ASXL3: variants seen among roughly 807,000 people sequenced by gnomAD.
ASXL3 encodes the protein putative Polycomb group protein ASXL3.
In ASXL3, 34 loss-of-function variants were observed where a neutral mutation model predicts 170.6. That is an observed-to-expected ratio of 0.20 (90% CI 0.15 to 0.27). The LOEUF (loss-of-function observed/expected upper bound fraction) is 0.27, where lower values mean the gene tolerates loss of function less well. Ranked by LOEUF, ASXL3 falls within the 10% of genes least tolerant of loss-of-function variation. ASXL3 has a pLI of 1.00. For synonymous variants in ASXL3, 1,002 were observed against 989.1 expected (o/e 1.01, Z -0.24); for missense variants, 2,592 against 2,695.3 (o/e 0.96, Z 0.85).
At chr18:33,669,276 A>G (rs768885589) in intron 5 of ASXL3, among the ~76,000 whole-genome samples, 1 of 152,192 alleles carries the variant, frequency 6.6e-6, no homozygotes, top group African/African-American at 2.4e-5. Context: ...TATATTAATA[A>G]CAGCAGGCTA....
At chr18:33,634,650 G>C (rs1203599992) in intron 2 of ASXL3, among the ~76,000 whole-genome samples, 1 of 152,028 alleles carries the variant, frequency 6.6e-6, no homozygotes, top group Non-Finnish European at 1.5e-5. Context: ...CTTGCCAAAT[G>C]CCTTTCCAAA....
chr18:33,589,526 A>C (rs2145095979), intron 1 of ASXL3, among the ~76,000 whole-genome samples: 1 of 152,330 alleles, frequency 6.6e-6, no homozygotes, highest in Non-Finnish European at 1.5e-5. Context: ...GGGCACAGTA[A>C]AAGAAAAGAA....
intron 5 of ASXL3, among the ~76,000 whole-genome samples, chr18:33,663,092 T>C (rs2066202827): frequency 6.6e-6 from 1 of 152,198 alleles, no homozygotes; most frequent in South Asian, 2.1e-4. Context: ...TTGAAATGTT[T>C]TAGATGCCAG....
chr18:33,585,448 A>G (rs775808279), intron 1 of ASXL3, among the ~76,000 whole-genome samples: 1 of 152,156 alleles, frequency 6.6e-6, no homozygotes, highest in Non-Finnish European at 1.5e-5. Flanking sequence ...AGCAATTAAC[A>G]GCTTTATCAG....
intron 2 of ASXL3, among the ~76,000 whole-genome samples, chr18:33,621,982 T>G (rs539028692): frequency 6.6e-6 from 1 of 152,292 alleles, no homozygotes; most frequent in Admixed American, 6.5e-5. Context: ...ATTAAATATT[T>G]AAATATAATC....
intron 8 of ASXL3, chr18:33,683,775 G>A (rs1045159854): frequency 1.8e-5 from 8 of 438,982 alleles, no homozygotes; most frequent in Non-Finnish European, 2.7e-5. Flanking sequence ...TTTAAAATAC[G>A]GTACATTGTG....
chr18:33,617,044 A>G (rs185992514), intron 2 of ASXL3, among the ~76,000 whole-genome samples: 1 of 152,264 alleles, frequency 6.6e-6, no homozygotes, highest in African/African-American at 2.4e-5. Flanking sequence ...ATAACATAAG[A>G]ATATTTCTAG....
chr18:33,688,139 T>TA, intron 8 of ASXL3, among the ~76,000 whole-genome samples: 1 of 152,288 alleles, frequency 6.6e-6, no homozygotes, highest in Middle Eastern at 3.4e-3. Context: ...GAGCATTTCT[T>TA]AAACAATGAC....
intron 6 of ASXL3, 72 bp downstream of exon 6, chr18:33,670,862 A>C: frequency 9.7e-7 from 1 of 1,034,948 alleles, no homozygotes; most frequent in Non-Finnish European, 1.4e-6. Flanking sequence ...AAGAGATGTC[A>C]TGATTTTTTT....
intron 4 of ASXL3, among the ~76,000 whole-genome samples, chr18:33,659,404 T>A (rs528027898): frequency 1.3e-5 from 2 of 152,224 alleles, no homozygotes; most frequent in South Asian, 4.1e-4. Context: ...AGTTTCCAAT[T>A]TTCTAGATGT....
chr18:33,641,548 A>G (rs1307461505), intron 2 of ASXL3, among the ~76,000 whole-genome samples: 3 of 152,084 alleles, frequency 2.0e-5, no homozygotes, highest in Admixed American at 1.3e-4. Context: ...ATAGAAATAC[A>G]TGGGCTTTCT....
rs1300178151 is a variant in ASXL3, at chr18:33,749,118, C to G, written c.*2523C>G. ...TGCTCCAGTTCAAATTCCTAGTGTT[C>G]TCATATGGTTTATATTACTGAAAAA... On this transcript the variant is annotated 3_prime_UTR_variant, in exon 12 of 12. Transcript: ENST00000269197. The G allele has an allele frequency of 7.5e-6, 1 of 133,338 alleles. No homozygotes were observed. Among genetic ancestry groups the G allele is most frequent in the African/African-American group, 2.8e-5 (1 of 35,334 alleles). 8.3% of individuals were successfully genotyped at this position (133,338 alleles called of 1,614,324 possible).
In ASXL3 at chr18:33,632,555, C is replaced by A. The variant is rs553394618; in HGVS notation, c.138-12339C>A. Among the ~76,000 whole-genome samples the A allele has an allele frequency of 7.9e-5, 12 of 152,302 alleles. No individual in the cohort carries two copies. In the South Asian group the frequency reaches 2.3e-3, roughly 29 times the overall value. On this transcript the variant is annotated intron_variant, in intron 2 of 11. Coordinates refer to ENST00000269197, the MANE Select transcript of ASXL3 (RefSeq NM_030632.3). ...TGTATTGTCCATCTTAATTATACCA[C>A]CATTCTTCTCTAGTTCCCAGTCCTA... is the stretch of plus-strand genomic sequence containing the variant.
rs958071901 is a variant in ASXL3, at chr18:33,744,950, G to C, written c.5102G>C (p.Ser1701Thr). The C allele has an allele frequency of 2.5e-6, 4 of 1,614,016 alleles. No individual in the cohort carries two copies. Among genetic ancestry groups the C allele is most frequent in the Admixed American group, 1.7e-5 (1 of 60,022 alleles). Reference protein sequence around the residue: ...LPPPAAEGASSVQQTQNMKAS... With the variant: ...LPPPAAEGASTVQQTQNMKAS... ...CCTCCGGCTGCAGAGGGAGCCTCTA[G>C]TGTACAACAAACACAGAACATGAAA... is the stretch of plus-strand genomic sequence containing the variant. The change falls in exon 12 of 12, where the codon AGT becomes ACT. Residue 1701 changes from serine (S) to threonine (T), a missense_variant. Transcript: ENST00000269197.
At chr18:33,665,526 A>T (rs747567875) in intron 5 of ASXL3, among the ~76,000 whole-genome samples, 1 of 152,138 alleles carries the variant, frequency 6.6e-6, no homozygotes, top group Non-Finnish European at 1.5e-5. Context: ...ATATTTTCAG[A>T]TTTTCAGTGG....
intron 1 of ASXL3, among the ~76,000 whole-genome samples, chr18:33,582,675 A>G (rs1189955782): frequency 6.6e-6 from 1 of 151,734 alleles, no homozygotes; most frequent in African/African-American, 2.4e-5. Flanking sequence ...GCACACAGAT[A>G]ATGAACATCA....
chr18:33,683,161 A>T, intron 7 of ASXL3, among the ~76,000 whole-genome samples: 1 of 152,210 alleles, frequency 6.6e-6, no homozygotes, highest in East Asian at 1.9e-4. Context: ...TTTGAGCTAA[A>T]AGTAGAGAAG....
chr18:33,739,188 A>G lies in ASXL3; in HGVS notation c.1784A>G (p.Gln595Arg), dbSNP rs1185512147. The G allele has an allele frequency of 6.2e-7, 1 of 1,613,898 alleles. No homozygotes were observed. The highest frequency in any genetic ancestry group is 8.5e-7 in the Non-Finnish European group (1 of 1,179,842). ...NEGIAIDMELQSDPEEQLSEN... is the reference protein window; with the variant it reads ...NEGIAIDMELRSDPEEQLSEN... Reference sequence around the variant, plus strand: ...GGAATTGCTATAGATATGGAGCTACAGAGTGACCCTGAAGAACAGCTTTCA... The same window carrying G: ...GGAATTGCTATAGATATGGAGCTACGGAGTGACCCTGAAGAACAGCTTTCA... Residue 595 changes from glutamine (Q) to arginine (R), a missense_variant, in exon 11 of 12, where the codon CAG (glutamine) becomes CGG (arginine). Gln to Arg is a conservative substitution (Grantham distance 43, BLOSUM62 1). Around this residue, in one of 4 missense-constraint regions of ASXL3, gnomAD observed 2,246 missense variants for 2,219.6 expected, o/e 1.01. Coordinates refer to ENST00000269197, the MANE Select transcript of ASXL3 (RefSeq NM_030632.3).
rs370586370 is a variant in ASXL3, at chr18:33,743,375, G to A, written c.3527G>A (p.Arg1176Gln). 50 of 1,613,076 alleles carry A rather than the reference G, an allele frequency of 3.1e-5. No individual in the cohort carries two copies. Among genetic ancestry groups the A allele is most frequent in the South Asian group, 4.4e-5 (4 of 91,074 alleles). Residue 1176 changes from arginine to glutamine, a missense_variant, in exon 12 of 12, where the codon CGG (arginine) becomes CAG (glutamine). Arg to Gln is a conservative substitution (Grantham distance 43, BLOSUM62 1). This residue lies in a region of ASXL3 where 2,246 missense variants were observed against 2,219.6 expected (regional missense o/e 1.01). Coordinates refer to ENST00000269197, the MANE Select transcript of ASXL3 (RefSeq NM_030632.3). ...CCTAGCAACAAGTCTGCCCACCTCC[G>A]GGAGACCACCACTGTACTACAGCAG... ...RSPSNKSAHL[R>Q]ETTTVLQQSL...
Sources: allele counts gnomAD v4.1 joint callset (sites outside exome capture counted in the v4.1 genomes callset), GRCh38; gene constraint gnomAD v4.1.1; regional missense constraint gnomAD v4.1.1; transcripts MANE v1.5; gene names NCBI Gene and HGNC (gene_info 2026-07-23, HGNC 2026-07-21).